Variants in STAG1 observed in about 807,000 individuals in gnomAD.
The protein encoded by STAG1 is cohesin subunit SA-1.
STAG1 carries 26 observed loss-of-function variants against 170.9 expected under a neutral mutation model. The ratio of observed to expected loss-of-function variants is 0.15; its 90% CI spans 0.11 to 0.21. The LOEUF (loss-of-function observed/expected upper bound fraction) is 0.21. Among genes scored for constraint, STAG1 ranks in the 10% least tolerant of loss-of-function variants. The pLI is 1.00. For missense variants in STAG1, 964 were observed against 1,509.5 expected, an observed-to-expected ratio of 0.64 and a Z score of 5.99; for synonymous variants, 514 against 497.7, an observed-to-expected ratio of 1.03 and a Z score of -0.44.
intron 1 of STAG1, among the ~76,000 whole-genome samples, chr3:136,751,785 C>T (rs1278705152): frequency 6.7e-6 from 1 of 149,094 alleles, no homozygotes; most frequent in African/African-American, 2.5e-5. Context: ...CCGCTGGGCG[C>T]GGGCGACTCC....
At chr3:136,606,333 C>T (rs377062130) in intron 3 of STAG1, among the ~76,000 whole-genome samples, 1 of 151,922 alleles carries the variant, frequency 6.6e-6, no homozygotes, top group African/African-American at 2.4e-5. Context: ...TGATCATAGG[C>T]GCCTGTCATC....
At chr3:136,430,784 GA>G (rs1041081829) in intron 16 of STAG1, among the ~76,000 whole-genome samples, 2 of 143,892 alleles carry the variant, frequency 1.4e-5, no homozygotes, top group African/African-American at 2.6e-5. Context: ...AGGAAATTAA[GA>G]GAAGGAAACA....
chr3:136,355,981 C>T (rs1346135738), intron 28 of STAG1, among the ~76,000 whole-genome samples: 1 of 151,744 alleles, frequency 6.6e-6, no homozygotes, highest in Non-Finnish European at 1.5e-5. Context: ...GTTTTCAAAC[C>T]ACTCCCACTA....
intron 1 of STAG1, among the ~76,000 whole-genome samples, chr3:136,701,931 G>A (rs1312466585): frequency 6.6e-6 from 1 of 151,782 alleles, no homozygotes; most frequent in African/African-American, 2.4e-5. Context: ...GATTTTAACT[G>A]CTAAGTCAAA....
At chr3:136,712,824 C>A (rs1239600903) in intron 1 of STAG1, among the ~76,000 whole-genome samples, 1 of 152,252 alleles carries the variant, frequency 6.6e-6, no homozygotes. Flanking sequence ...GGCACGGTGG[C>A]TCATGCCTGT....
chr3:136,453,961 CT>C (rs2089024999), intron 13 of STAG1, among the ~76,000 whole-genome samples: 2 of 151,602 alleles, frequency 1.3e-5, no homozygotes, highest in Admixed American at 1.3e-4. Flanking sequence ...TATTAGGGGA[CT>C]AGAGAACTTA....
At chr3:136,620,072 A>AAAAAT (rs1019514373) in intron 3 of STAG1, among the ~76,000 whole-genome samples, 75 of 152,208 alleles carry the variant, frequency 4.9e-4, no homozygotes, top group Non-Finnish European at 8.2e-4. Context: ...TCTCAAAAGA[A>AAAAAT]AAAATAAAAT....
intron 22 of STAG1, 62 bp from the exon 23 acceptor site, chr3:136,377,814 GA>G: frequency 7.2e-7 from 1 of 1,384,608 alleles, no homozygotes; most frequent in Non-Finnish European, 1.0e-6. Context: ...TGATCTAGAA[GA>G]AACAGTAAGT....
At chr3:136,382,715 T>C (rs1230322615) in intron 22 of STAG1, among the ~76,000 whole-genome samples, 1 of 152,084 alleles carries the variant, frequency 6.6e-6, no homozygotes, top group Non-Finnish European at 1.5e-5. Flanking sequence ...CTGGCCAGGC[T>C]TTCTTTATTG....
chr3:136,395,280 G>A (rs2087117317), intron 22 of STAG1, among the ~76,000 whole-genome samples: 2 of 152,096 alleles, frequency 1.3e-5, no homozygotes, highest in South Asian at 2.1e-4. Flanking sequence ...CAAAGAAGTC[G>A]ATTGAAGAAT....
chr3:136,401,295 AT>A (rs1393624822), intron 21 of STAG1, among the ~76,000 whole-genome samples: 1 of 152,182 alleles, frequency 6.6e-6, no homozygotes, highest in Non-Finnish European at 1.5e-5. Flanking sequence ...ACCTATCCAA[AT>A]TGGAGTTCTC....
At chr3:136,402,422 TG>T (rs1249082977) in intron 21 of STAG1, among the ~76,000 whole-genome samples, 7 of 151,956 alleles carry the variant, frequency 4.6e-5, no homozygotes, top group Non-Finnish European at 8.8e-5. Flanking sequence ...TTCACTATGT[TG>T]GCCAGGCTGG....
chr3:136,413,251 T>A (rs2087677878), intron 21 of STAG1, among the ~76,000 whole-genome samples: 1 of 148,170 alleles, frequency 6.7e-6, no homozygotes, highest in Admixed American at 6.8e-5. Context: ...CTATATATAA[T>A]ATATATCGTA....
At chr3:136,617,467 A>ATCAGTTCAATGGTTCT (rs1559912245) in intron 3 of STAG1, among the ~76,000 whole-genome samples, 1 of 152,214 alleles carries the variant, frequency 6.6e-6, no homozygotes, top group Non-Finnish European at 1.5e-5. Context: ...TGCCTGGTTT[A>ATCAGTTCAATGGTTCT]TCAGTTCAAT....
intron 12 of STAG1, among the ~76,000 whole-genome samples, chr3:136,465,242 C>CA (rs1266164227): frequency 8.1e-6 from 1 of 123,238 alleles, no homozygotes; most frequent in Non-Finnish European, 1.6e-5. Context: ...TTTTTTGAGA[C>CA]AGAGTCTTGC....
At chr3:136,399,262 A>G (rs1001350050) in intron 21 of STAG1, among the ~76,000 whole-genome samples, 1 of 152,242 alleles carries the variant, frequency 6.6e-6, no homozygotes, top group Non-Finnish European at 1.5e-5. Context: ...ATATACATTT[A>G]TGAGTATAAA....
At chr3:136,670,418 A>AT (rs1228064382) in intron 1 of STAG1, among the ~76,000 whole-genome samples, 1 of 152,196 alleles carries the variant, frequency 6.6e-6, no homozygotes, top group Non-Finnish European at 1.5e-5. Context: ...AAGTACAATC[A>AT]TTTTATAAGA....
At chr3:136,467,477 C>G (rs916554139) in intron 12 of STAG1, among the ~76,000 whole-genome samples, 1 of 152,122 alleles carries the variant, frequency 6.6e-6, no homozygotes, top group Non-Finnish European at 1.5e-5. Context: ...AATATATATG[C>G]ACCCAATACA....
chr3:136,448,653 C>T (rs2088852789), intron 14 of STAG1, among the ~76,000 whole-genome samples: 1 of 152,016 alleles, frequency 6.6e-6, no homozygotes, highest in South Asian at 2.1e-4. Flanking sequence ...TAAAAGACTC[C>T]CTTGGCTGGG....
Sources: allele counts gnomAD v4.1 joint callset (sites outside exome capture counted in the v4.1 genomes callset), GRCh38; gene constraint gnomAD v4.1.1; transcripts MANE v1.5; gene names NCBI Gene and HGNC (gene_info 2026-07-23, HGNC 2026-07-21).